RBM25: variants seen among roughly 807,000 people sequenced by gnomAD.
RBM25 encodes the protein RNA-binding protein 25.
Under a neutral mutation model 120.7 loss-of-function variants are expected in RBM25, and 19 were observed. That is an observed-to-expected ratio of 0.16 (90% CI 0.11 to 0.23). RBM25 has a LOEUF of 0.23. RBM25 is among the 10% of genes least tolerant of loss of function. The pLI is 1.00. For synonymous variants in RBM25, 390 were observed against 326.7 expected (o/e 1.19, Z -2.09); for missense variants, 605 against 1,041.5 (o/e 0.58, Z 5.77).
At chr14:73,114,748 G>C (rs1447694486) in intron 18 of RBM25, among the ~76,000 whole-genome samples, 1 of 152,116 alleles carries the variant, frequency 6.6e-6, no homozygotes. Context: ...ACAAAAATTA[G>C]CTGTGCGTGG....
intron 8 of RBM25, 55 bp downstream of exon 8, chr14:73,099,488 T>G: frequency 1.3e-6 from 2 of 1,588,134 alleles, no homozygotes; most frequent in Non-Finnish European, 1.7e-6. Flanking sequence ...GATTGTTGAT[T>G]TGTCATTCTT....
rs555574621 is a variant in RBM25, at chr14:73,122,624, A to G, written c.*2819A>G. 6.6e-6 allele frequency: 1 copy of G among 152,336 alleles called. No individual in the cohort carries two copies. Among genetic ancestry groups the G allele is most frequent in the East Asian group, 1.9e-4 (1 of 5,182 alleles). 9.4% of individuals were successfully genotyped at this position (152,336 alleles called of 1,614,324 possible). A position where few individuals can be genotyped will look rare whatever the true frequency, so the allele number is the denominator to read the frequency against. Reference sequence around the variant, plus strand: ...AGTCTTGATCTGGCAAAAAAGTAGTAGAATACTACTTTTCTTTATTTGTCC... The same window carrying G: ...AGTCTTGATCTGGCAAAAAAGTAGTGGAATACTACTTTTCTTTATTTGTCC... On this transcript the variant is annotated 3_prime_UTR_variant, in exon 19 of 19. Coordinates refer to ENST00000261973, the MANE Select transcript of RBM25 (RefSeq NM_021239.3).
rs1221046411 is a variant in RBM25 at position 73,112,223 on chromosome 14, T to G, written c.2364T>G (p.Ala788=). The G allele has an allele frequency of 6.2e-7, 1 of 1,605,612 alleles. No homozygotes were observed. The highest frequency in any genetic ancestry group is 8.5e-7 in the Non-Finnish European group (1 of 1,177,934). Reference sequence around the variant, plus strand: ...TAGAATATATAGGTGAAGAAGAAGCTACATTAGTTGATTTTGTTTGTTCTA... The same window carrying G: ...TAGAATATATAGGTGAAGAAGAAGCGACATTAGTTGATTTTGTTTGTTCTA... ...KIIEYIGEEE[A]TLVDFVCSKV... is the part of the protein sequence containing the mutation. Residue 788 remains alanine, a synonymous_variant, in exon 17 of 19, where the codon GCT becomes GCG. Transcript: ENST00000261973.
At chr14:73,105,038 T>TACACACACACACACACAC (rs57281649) in intron 10 of RBM25, among the ~76,000 whole-genome samples, 13,078 of 141,000 alleles carry the variant, frequency 0.093, 702 homozygotes, top group South Asian at 0.12. Context: ...ACATATTAAA[T>TACACACACACACACACAC]ACACACACAC....
chr14:73,086,951 C>T (rs542269297), intron 5 of RBM25, among the ~76,000 whole-genome samples: 50 of 152,322 alleles, frequency 3.3e-4, no homozygotes, highest in Non-Finnish European at 6.0e-4. Context: ...GTGATCTGCC[C>T]GCCTCTGCCT....
chr14:73,096,808 C>A, intron 6 of RBM25, 107 bp from the exon 7 acceptor site: 2 of 926,166 alleles, frequency 2.2e-6, no homozygotes, highest in Non-Finnish European at 3.3e-6. Flanking sequence ...AATAGGACTA[C>A]AGAGATGTTT....
In RBM25 at chr14:73,111,809, A is replaced by G. The variant is rs916095941; in HGVS notation, c.2292+7A>G. The G allele has an allele frequency of 1.3e-6, 2 of 1,568,404 alleles. No homozygotes were observed. Among genetic ancestry groups the G allele is most frequent in the Admixed American group, 4.1e-5 (2 of 48,222 alleles). On this transcript the variant is annotated splice_region_variant and intron_variant, in intron 16 of 18. Coordinates refer to ENST00000261973, the MANE Select transcript of RBM25 (RefSeq NM_021239.3). ...TTGGTCTATTGTGGATTCTGTGAGT[A>G]GGAAATTATATTTCATCATATTATT... is the stretch of plus-strand genomic sequence containing the variant.
At chr14:73,115,434 T>C (rs1896406598) in intron 18 of RBM25, among the ~76,000 whole-genome samples, 2 of 152,208 alleles carry the variant, frequency 1.3e-5, no homozygotes, top group Admixed American at 1.3e-4. Flanking sequence ...TATTTGGTTT[T>C]CTGTTCCTGT....
intron 10 of RBM25, among the ~76,000 whole-genome samples, chr14:73,105,422 T>G (rs1250178910): frequency 6.6e-6 from 1 of 152,238 alleles, no homozygotes; most frequent in Admixed American, 6.5e-5. Context: ...TTTCCACATG[T>G]GCCAGCACTT....
intron 17 of RBM25, among the ~76,000 whole-genome samples, chr14:73,113,218 TGA>T (rs1896351948): frequency 6.6e-6 from 1 of 151,854 alleles, no homozygotes; most frequent in Admixed American, 6.6e-5. Context: ...CACTTATGAG[TGA>T]GAACATGTGG....
intron 4 of RBM25, among the ~76,000 whole-genome samples, chr14:73,082,913 A>AC (rs1446107908): frequency 6.6e-6 from 1 of 151,462 alleles, no homozygotes; most frequent in Non-Finnish European, 1.5e-5. Flanking sequence ...TAAATAAAAA[A>AC]AAAAAAACAA....
At position 73,121,123 on chromosome 14, in the gene RBM25, C is replaced by CT. The variant is rs1896533687; in HGVS notation, c.*1319dup. ...AAATTAGATGCAACTGTTCCCATGT[C>CT]TGAGTACTTATTTAAAAGAAAGGTA... is the stretch of plus-strand genomic sequence containing the variant. On this transcript the variant is annotated 3_prime_UTR_variant, in exon 19 of 19. Transcript: ENST00000261973. 2 of 152,166 alleles carry CT rather than the reference C, an allele frequency of 1.3e-5. No individual in the cohort carries two copies. The highest frequency in any genetic ancestry group is 4.8e-5 in the African/African-American group (2 of 41,382). The allele number at this position is 152,166 out of a possible 1,614,324, so 9.4% of individuals were successfully genotyped here.
intron 1 of RBM25, among the ~76,000 whole-genome samples, chr14:73,063,085 A>G (rs147800478): frequency 0.023 from 3,462 of 150,504 alleles, 163 homozygotes; most frequent in African/African-American, 0.077. Context: ...GCCTCCCAAA[A>G]CGCCGGGATT....
intron 4 of RBM25, among the ~76,000 whole-genome samples, chr14:73,083,001 A>G (rs938997761): frequency 6.6e-6 from 1 of 152,138 alleles, no homozygotes; most frequent in East Asian, 1.9e-4. Flanking sequence ...AATCGCTTGA[A>G]TCTGGGAGGC....
intron 17 of RBM25, 108 bp downstream of exon 17, chr14:73,112,358 G>T (rs750578043): frequency 7.2e-6 from 8 of 1,110,584 alleles, no homozygotes; most frequent in Non-Finnish European, 7.3e-6. Context: ...TGATGGTTTA[G>T]GTTCAGTTAA....
intron 2 of RBM25, among the ~76,000 whole-genome samples, chr14:73,074,727 T>A (rs1895373893): frequency 6.6e-6 from 1 of 152,126 alleles, no homozygotes; most frequent in Non-Finnish European, 1.5e-5. Flanking sequence ...TGTTTTGCTT[T>A]TTTTGAGAGA....
In RBM25 at chr14:73,114,320, A is replaced by G; in HGVS notation, c.2426A>G (p.Asp809Gly). 1 of 1,570,588 alleles carries G rather than the reference A, an allele frequency of 6.4e-7. No individual in the cohort carries two copies. Among genetic ancestry groups the G allele is most frequent in the Non-Finnish European group, 8.6e-7 (1 of 1,157,940 alleles). ...CATAGTTCACCCCAGAGCATTTTAGATGATGTTGCCATGGTAAGTTAGAAA... is the reference window on the plus strand; with the variant it reads ...CATAGTTCACCCCAGAGCATTTTAGGTGATGTTGCCATGGTAAGTTAGAAA... Reference protein sequence around the residue: ...MAHSSPQSILDDVAMVLDEEA... With the variant: ...MAHSSPQSILGDVAMVLDEEA... Residue 809 changes from aspartate (D) to glycine (G), a missense_variant, in exon 18 of 19, where the codon GAT becomes GGT. By Grantham distance (94) the Asp-to-Gly change is moderately conservative. Transcript: ENST00000261973.
At position 73,112,229 on chromosome 14, in the gene RBM25, A is replaced by G; in HGVS notation, c.2370A>G (p.Leu790=). ...IEYIGEEEAT[L]VDFVCSKVMA... The stretch of plus-strand genomic sequence containing the variant: ...ATATAGGTGAAGAAGAAGCTACATT[A>G]GTTGATTTTGTTTGTTCTAAGGTTA... The change falls in exon 17 of 19, where the codon TTA becomes TTG. Residue 790 remains leucine, a synonymous_variant. Transcript: ENST00000261973. The G allele has an allele frequency of 6.2e-7, 1 of 1,605,222 alleles. No homozygotes were observed.
At chr14:73,100,209 G>T in intron 9 of RBM25, 1 of 597,772 alleles carries the variant, frequency 1.7e-6, no homozygotes, top group Non-Finnish European at 3.1e-6. Context: ...CAGTAGGTCA[G>T]TGGTTACCAG....
Sources: gnomAD v4.1 joint callset for allele counts (sites outside exome capture counted in the v4.1 genomes callset) on GRCh38, gnomAD v4.1.1 for gene constraint, MANE v1.5 for transcripts, NCBI Gene and HGNC (gene_info 2026-07-23, HGNC 2026-07-21) for gene names.